SLC4A10: variants seen among roughly 807,000 people sequenced by gnomAD.
The protein encoded by SLC4A10 is solute carrier family 4 member 10, also known as sodium-driven chloride bicarbonate exchanger.
A neutral mutation model predicts 137.7 loss-of-function variants in SLC4A10; 42 were observed. The observed-to-expected ratio is 0.30, with a 90% CI of 0.24 to 0.39. The LOEUF is 0.39. Ranked by LOEUF, SLC4A10 falls within the 10% of genes least tolerant of loss-of-function variation. The pLI is 1.00. For synonymous variants in SLC4A10, 474 were observed against 464.1 expected (o/e 1.02, Z -0.27); for missense variants, 925 against 1,355.0 (o/e 0.68, Z 4.98).
At chr2:161,749,650 A>T (rs2048748658) in intron 1 of SLC4A10, among the ~76,000 whole-genome samples, 2 of 151,840 alleles carry the variant, frequency 1.3e-5, no homozygotes, top group Admixed American at 1.3e-4. Flanking sequence ...TGTGTCACTG[A>T]GTTCCATTTT....
intron 6 of SLC4A10, among the ~76,000 whole-genome samples, chr2:161,867,398 T>C (rs1450569540): frequency 1.3e-5 from 2 of 151,998 alleles, no homozygotes; most frequent in Non-Finnish European, 2.9e-5. Flanking sequence ...AAAATAAAGC[T>C]AGAATAATAA....
At chr2:161,953,337 C>A (rs1366040969) in intron 19 of SLC4A10, among the ~76,000 whole-genome samples, 2 of 152,158 alleles carry the variant, frequency 1.3e-5, no homozygotes, top group Non-Finnish European at 2.9e-5. Context: ...TGGCCAGGCA[C>A]AGTGGCTCAC....
intron 18 of SLC4A10, 126 bp from the exon 19 acceptor site, chr2:161,950,557 ATTAT>A (rs1369910066): frequency 5.6e-6 from 4 of 714,928 alleles, no homozygotes; most frequent in Non-Finnish European, 9.0e-6. Flanking sequence ...GAGTATTATT[ATTAT>A]TTATTATAGG....
intron 22 of SLC4A10, 52 bp from the exon 23 acceptor site, chr2:161,964,999 C>G: frequency 1.7e-5 from 26 of 1,533,224 alleles, no homozygotes; most frequent in Non-Finnish European, 2.2e-5. Flanking sequence ...CAAATCTACA[C>G]CTCTCGTTTT....
At chr2:161,689,344 A>C (rs1396576529) in intron 1 of SLC4A10, among the ~76,000 whole-genome samples, 2 of 152,184 alleles carry the variant, frequency 1.3e-5, no homozygotes, top group African/African-American at 2.4e-5. Flanking sequence ...CAAGTGCTCT[A>C]TATGGGTGTA....
At chr2:161,697,150 G>T (rs1299857087) in intron 1 of SLC4A10, among the ~76,000 whole-genome samples, 6 of 152,138 alleles carry the variant, frequency 3.9e-5, no homozygotes, top group South Asian at 2.1e-4. Flanking sequence ...TTTTGATGGG[G>T]TTTTTTGTTT....
At chr2:161,975,431 T>G (rs1169946638) in intron 24 of SLC4A10, among the ~76,000 whole-genome samples, 1 of 152,194 alleles carries the variant, frequency 6.6e-6, no homozygotes, top group African/African-American at 2.4e-5. Context: ...TTTAAAAAAT[T>G]GTATAGCTTC....
At chr2:161,754,193 C>T (rs1574779381) in intron 1 of SLC4A10, among the ~76,000 whole-genome samples, 2 of 152,148 alleles carry the variant, frequency 1.3e-5, no homozygotes, top group East Asian at 1.9e-4. Context: ...TAAACCACTG[C>T]GTCTTGCTGA....
At position 161,957,126 on chromosome 2, in the gene SLC4A10, A is replaced by G; in HGVS notation, c.2679A>G (p.Glu893=). Residue 893 remains glutamate (E), a synonymous_variant, in exon 20 of 27, where the codon GAA becomes GAG. Coordinates refer to ENST00000446997, the MANE Select transcript of SLC4A10 (RefSeq NM_001178015.2). ...THVNSLKLES[E]CSAPGEQPKF... ...TCAATAGCCTAAAACTGGAATCAGA[A>G]TGCTCAGCTCCAGGAGAACAACCCA... 1 of 1,613,840 alleles carries G rather than the reference A, an allele frequency of 6.2e-7. No individual in the cohort carries two copies.
chr2:161,652,810 A>G (rs2036986619), intron 1 of SLC4A10, among the ~76,000 whole-genome samples: 1 of 147,632 alleles, frequency 6.8e-6, no homozygotes, highest in Non-Finnish European at 1.5e-5. Flanking sequence ...TTTTGACCTA[A>G]TTGACATTTA....
intron 15 of SLC4A10, among the ~76,000 whole-genome samples, chr2:161,919,276 G>T (rs1276993362): frequency 6.6e-6 from 1 of 152,146 alleles, no homozygotes; most frequent in Admixed American, 6.5e-5. Context: ...CACAATGAAT[G>T]GCAGAAGGAG....
At chr2:161,635,086 C>G (rs928633875) in intron 1 of SLC4A10, among the ~76,000 whole-genome samples, 1 of 151,980 alleles carries the variant, frequency 6.6e-6, no homozygotes, top group Non-Finnish European at 1.5e-5. Context: ...CCTAAAGAAC[C>G]AAGGGTCTTG....
At chr2:161,639,654 C>T (rs1226860421) in intron 1 of SLC4A10, among the ~76,000 whole-genome samples, 4 of 152,112 alleles carry the variant, frequency 2.6e-5, no homozygotes, top group East Asian at 1.9e-4. Context: ...GGCAAACACA[C>T]GGTTAACATC....
chr2:161,838,070 G>A (rs965178545), intron 3 of SLC4A10, among the ~76,000 whole-genome samples: 1 of 152,086 alleles, frequency 6.6e-6, no homozygotes, highest in Non-Finnish European at 1.5e-5. Context: ...TCAATCTATG[G>A]TACTTTGTTA....
intron 1 of SLC4A10, among the ~76,000 whole-genome samples, chr2:161,715,665 A>G (rs1451637546): frequency 6.6e-6 from 1 of 152,110 alleles, no homozygotes; most frequent in African/African-American, 2.4e-5. Flanking sequence ...TGTAAAAGAC[A>G]TGATCTAATT....
At chr2:161,897,519 A>G (rs1483364923) in intron 11 of SLC4A10, among the ~76,000 whole-genome samples, 1 of 152,148 alleles carries the variant, frequency 6.6e-6, no homozygotes, top group Non-Finnish European at 1.5e-5. Flanking sequence ...GAGTACTTAA[A>G]AAGGGTATCT....
chr2:161,767,485 A>G (rs1251736871), intron 1 of SLC4A10, among the ~76,000 whole-genome samples: 2 of 151,680 alleles, frequency 1.3e-5, no homozygotes, highest in East Asian at 1.9e-4. Flanking sequence ...AGACAGCAGT[A>G]AACTAATCAG....
At chr2:161,644,028 T>C (rs2035660248) in intron 1 of SLC4A10, among the ~76,000 whole-genome samples, 1 of 152,008 alleles carries the variant, frequency 6.6e-6, no homozygotes, top group Non-Finnish European at 1.5e-5. Flanking sequence ...CTGGGTTTTG[T>C]TTGCTATACA....
chr2:161,751,802 T>C (rs536935685), intron 1 of SLC4A10, among the ~76,000 whole-genome samples: 140 of 152,040 alleles, frequency 9.2e-4, no homozygotes, highest in African/African-American at 2.8e-3. Context: ...ATGAAGACTT[T>C]AGTGTCATAG....
Sources: allele counts gnomAD v4.1 joint callset (sites outside exome capture counted in the v4.1 genomes callset), GRCh38; gene constraint gnomAD v4.1.1; transcripts MANE v1.5; gene names NCBI Gene and HGNC (gene_info 2026-07-23, HGNC 2026-07-21).